Variants in RAD51B observed in about 807,000 individuals in gnomAD.
RAD51B encodes DNA repair protein RAD51 homolog 2.
Under a neutral mutation model 42.2 loss-of-function variants are expected in RAD51B, and 38 were observed. The observed-to-expected ratio is 0.90, with a 90% CI of 0.70 to 1.18. The LOEUF is 1.18. Among genes scored for constraint, RAD51B ranks in the 50% most tolerant of loss-of-function variants. The pLI is 0.00. For synonymous variants in RAD51B, 154 were observed against 145.2 expected, an observed-to-expected ratio of 1.06 and a Z score of -0.43; for missense variants, 373 against 400.7, an observed-to-expected ratio of 0.93 and a Z score of 0.59.
At chr14:68,462,799 A>G (rs1218138171) in intron 9 of RAD51B, among the ~76,000 whole-genome samples, 4 of 152,242 alleles carry the variant, frequency 2.6e-5, no homozygotes, top group Non-Finnish European at 5.9e-5. Flanking sequence ...GAAATATTCA[A>G]GAAGAAACAA....
At chr14:68,318,512 G>GA (rs2082102273) in intron 8 of RAD51B, among the ~76,000 whole-genome samples, 1 of 152,212 alleles carries the variant, frequency 6.6e-6, no homozygotes, top group African/African-American at 2.4e-5. Flanking sequence ...GGATATTTTG[G>GA]AAAGTAAGGA....
intron 10 of RAD51B, among the ~76,000 whole-genome samples, chr14:68,507,816 G>A (rs1302574080): frequency 1.3e-5 from 2 of 152,202 alleles, no homozygotes; most frequent in Non-Finnish European, 2.9e-5. Flanking sequence ...TCATGTTATA[G>A]TCATGAGCCC....
chr14:67,880,911 A>G (rs902835581), intron 5 of RAD51B, among the ~76,000 whole-genome samples: 3 of 152,222 alleles, frequency 2.0e-5, no homozygotes, highest in African/African-American at 7.2e-5. Flanking sequence ...TGCTTCGCTT[A>G]ACAATTGGGA....
At chr14:68,621,464 C>A (rs527794051) in intron 10 of RAD51B, among the ~76,000 whole-genome samples, 6 of 152,220 alleles carry the variant, frequency 3.9e-5, no homozygotes, top group Non-Finnish European at 8.8e-5. Flanking sequence ...CCTACCCAAG[C>A]CACTGTGGAT....
chr14:68,150,998 T>G (rs900990751), intron 7 of RAD51B, among the ~76,000 whole-genome samples: 3 of 152,058 alleles, frequency 2.0e-5, no homozygotes, highest in African/African-American at 7.2e-5. Flanking sequence ...TATTACCCAG[T>G]GGTTACCATT....
intron 7 of RAD51B, among the ~76,000 whole-genome samples, chr14:68,076,428 A>G (rs1479194128): frequency 6.6e-6 from 1 of 152,250 alleles, no homozygotes; most frequent in Non-Finnish European, 1.5e-5. Flanking sequence ...GAATATAAGA[A>G]GGTGATAGGA....
At chr14:67,840,258 T>A (rs1175206479) in intron 4 of RAD51B, among the ~76,000 whole-genome samples, 4 of 152,082 alleles carry the variant, frequency 2.6e-5, no homozygotes, top group Non-Finnish European at 5.9e-5. Flanking sequence ...CAATAAGTAG[T>A]TTTTTTAGCC....
At chr14:68,185,294 C>A (rs1595523807) in intron 7 of RAD51B, among the ~76,000 whole-genome samples, 1 of 152,062 alleles carries the variant, frequency 6.6e-6, no homozygotes, top group African/African-American at 2.4e-5. Flanking sequence ...TTAGATTTAG[C>A]CTTAAAGAAA....
intron 7 of RAD51B, among the ~76,000 whole-genome samples, chr14:68,070,259 C>G (rs2076720315): frequency 6.6e-6 from 1 of 151,974 alleles, no homozygotes; most frequent in Non-Finnish European, 1.5e-5. Flanking sequence ...CAGTTTCTTG[C>G]CATTCAGAAG....
chr14:68,260,997 A>G (rs1221469213), intron 7 of RAD51B, among the ~76,000 whole-genome samples: 2 of 152,338 alleles, frequency 1.3e-5, no homozygotes, highest in African/African-American at 4.8e-5. Context: ...GTTTTATCTC[A>G]GACTTGGGCT....
At chr14:68,262,779 G>A (rs1174932103) in intron 7 of RAD51B, among the ~76,000 whole-genome samples, 51 of 152,114 alleles carry the variant, frequency 3.4e-4, no homozygotes, top group Non-Finnish European at 1.0e-4. Context: ...GAAGACACAC[G>A]GACTCAGAGA....
chr14:67,872,985 C>T (rs2042594420), intron 5 of RAD51B, among the ~76,000 whole-genome samples: 1 of 152,048 alleles, frequency 6.6e-6, no homozygotes, highest in Non-Finnish European at 1.5e-5. Flanking sequence ...CCATAAAAAC[C>T]CTAGAAGAAA....
At chr14:67,820,020 T>C in intron 1 of RAD51B, among the ~76,000 whole-genome samples, 167 bp downstream of exon 1, 1 of 152,134 alleles carries the variant, frequency 6.6e-6, no homozygotes, top group South Asian at 2.1e-4. Context: ...AGAACCCCGC[T>C]GTGAATTGGG....
At chr14:67,922,898 G>GC (rs2044373605) in intron 7 of RAD51B, among the ~76,000 whole-genome samples, 1 of 151,982 alleles carries the variant, frequency 6.6e-6, no homozygotes, top group Non-Finnish European at 1.5e-5. Flanking sequence ...CGCCATGTTG[G>GC]CAGGCTGGTC....
intron 7 of RAD51B, among the ~76,000 whole-genome samples, chr14:68,052,799 T>TC (rs543452727): frequency 8.0e-4 from 122 of 151,678 alleles, no homozygotes; most frequent in African/African-American, 2.9e-3. Context: ...TTTTTGTGTT[T>TC]TTTTTTTTTT....
chr14:68,165,412 G>A (rs573463830), intron 7 of RAD51B, among the ~76,000 whole-genome samples: 6 of 152,248 alleles, frequency 3.9e-5, no homozygotes, highest in African/African-American at 1.4e-4. Context: ...GCCATCTAGA[G>A]GTTACTGATT....
chr14:67,863,404 A>G (rs920527286), intron 4 of RAD51B, among the ~76,000 whole-genome samples: 3 of 152,192 alleles, frequency 2.0e-5, no homozygotes, highest in African/African-American at 4.8e-5. Flanking sequence ...TTCTCAGGCC[A>G]TGACCCAGAC....
intron 4 of RAD51B, among the ~76,000 whole-genome samples, chr14:67,847,038 C>T (rs1345203893): frequency 6.6e-6 from 1 of 152,154 alleles, no homozygotes; most frequent in African/African-American, 2.4e-5. Context: ...CTCTTCAACT[C>T]ACCCCTTCCT....
At chr14:68,117,031 A>C (rs1566657594) in intron 7 of RAD51B, among the ~76,000 whole-genome samples, 1 of 152,216 alleles carries the variant, frequency 6.6e-6, no homozygotes, top group Non-Finnish European at 1.5e-5. Flanking sequence ...TTTATTAAGC[A>C]AGACAGGTAA....
Sources: gnomAD v4.1 joint callset for allele counts (sites outside exome capture counted in the v4.1 genomes callset) on GRCh38, gnomAD v4.1.1 for gene constraint, MANE v1.5 for transcripts, NCBI Gene and HGNC (gene_info 2026-07-23, HGNC 2026-07-21) for gene names.